Variants in MYOM2 observed in about 807,000 individuals in gnomAD.
MYOM2 encodes myomesin-2.
In MYOM2, 254 loss-of-function variants were observed where a neutral mutation model predicts 187.6. That is an observed-to-expected ratio of 1.35 (90% CI 1.22 to 1.50). The LOEUF is 1.50. Ranked by LOEUF, MYOM2 falls within the 40% of genes most tolerant of loss-of-function variation. The pLI is 0.00. For synonymous variants in MYOM2, 981 were observed against 753.8 expected (o/e 1.30, Z -4.94); for missense variants, 2,796 against 1,924.0 (o/e 1.45, Z -8.48).
chr8:2,124,874 G>T (rs942560848), intron 31 of MYOM2, among the ~76,000 whole-genome samples: 1 of 151,988 alleles, frequency 6.6e-6, no homozygotes, highest in African/African-American at 2.4e-5. Flanking sequence ...GTATCTGTTG[G>T]CCATTTTTCT....
At chr8:2,124,132 G>C (rs565370623) in intron 30 of MYOM2, 47 bp from the exon 31 acceptor site, 1 of 1,564,056 alleles carries the variant, frequency 6.4e-7, no homozygotes, top group Non-Finnish European at 8.7e-7. Context: ...TGCTGCTTTC[G>C]GTTAAAGTTA....
At chr8:2,088,869 A>G (rs1278804874) in intron 14 of MYOM2, among the ~76,000 whole-genome samples, 1 of 152,242 alleles carries the variant, frequency 6.6e-6, no homozygotes, top group Non-Finnish European at 1.5e-5. Context: ...AGCTAATGAC[A>G]TTCCCCCAGC....
At chr8:2,061,173 C>T (rs972481364) in intron 6 of MYOM2, among the ~76,000 whole-genome samples, 48 of 151,674 alleles carry the variant, frequency 3.2e-4, no homozygotes, top group African/African-American at 1.1e-3. Flanking sequence ...GAGCTGTCTC[C>T]GGTTTAGTGA....
At chr8:2,111,591 G>A (rs1273118327) in intron 25 of MYOM2, among the ~76,000 whole-genome samples, 2 of 152,106 alleles carry the variant, frequency 1.3e-5, no homozygotes, top group African/African-American at 2.4e-5. Flanking sequence ...CTTGATATTC[G>A]GAAGTAAACA....
rs374048931 is a variant in MYOM2 at position 2,057,308 on chromosome 8, C to T, written c.264-40C>T. On this transcript the variant is annotated intron_variant, in intron 3 of 36. Transcript: ENST00000262113. ...CCTTCGGGGGCCACGTGGTTTTCTT[C>T]GTGACTCCTGCAACTGAGGCTGCTT... The T allele has an allele frequency of 2.0e-5, 31 of 1,571,766 alleles. No homozygotes were observed. In the East Asian group the frequency reaches 3.4e-4, roughly 17 times the overall value.
intron 28 of MYOM2, chr8:2,119,139 T>C (rs1348366341): frequency 6.6e-6 from 1 of 152,284 alleles, no homozygotes; most frequent in East Asian, 1.9e-4. Flanking sequence ...CGACAGGACA[T>C]GTGAACCTGG....
intron 14 of MYOM2, among the ~76,000 whole-genome samples, chr8:2,086,302 G>A (rs1796042927): frequency 6.8e-6 from 1 of 146,676 alleles, no homozygotes; most frequent in Non-Finnish European, 1.5e-5. Context: ...ATCTCCGCGT[G>A]GCCCCCCACA....
chr8:2,108,280 C>T (rs1209722354), intron 23 of MYOM2, among the ~76,000 whole-genome samples: 2 of 149,374 alleles, frequency 1.3e-5, no homozygotes, highest in African/African-American at 4.9e-5. Flanking sequence ...TTGTTATTTT[C>T]TTCTTTCCTT....
At chr8:2,067,978 G>A (rs1241362376) in intron 6 of MYOM2, among the ~76,000 whole-genome samples, 2 of 152,056 alleles carry the variant, frequency 1.3e-5, no homozygotes, top group Non-Finnish European at 1.5e-5. Flanking sequence ...GAAGTTAATC[G>A]GTCTCTGCAC....
In MYOM2 at chr8:2,120,697, A is replaced by T. The variant is rs75948356; in HGVS notation, c.3454-2555A>T. On this transcript the variant is annotated intron_variant, in intron 28 of 36. Transcript: ENST00000262113. Reference sequence around the variant, plus strand: ...ATATTATATTATATATAAATATATAATATATATATTTTAATTGCCAATCTA... The same window carrying T: ...ATATTATATTATATATAAATATATATTATATATATTTTAATTGCCAATCTA... 1.8e-3 allele frequency among the ~76,000 whole-genome samples: 87 copies of T among 49,150 alleles called. 2 individuals are homozygous for T. Among genetic ancestry groups the T allele is most frequent in the African/African-American group, 4.8e-3 (61 of 12,700 alleles). The allele number at this position is 49,150 out of a possible 152,430, so 32.2% of individuals were successfully genotyped here. A position where few individuals can be genotyped will look rare whatever the true frequency, so the allele number is the denominator to read the frequency against.
chr8:2,047,488 T>C (rs1818347356), intron 1 of MYOM2, among the ~76,000 whole-genome samples: 1 of 152,186 alleles, frequency 6.6e-6, no homozygotes, highest in Admixed American at 6.5e-5. Context: ...CGCAGAAGAC[T>C]TGAGCTTGCT....
At chr8:2,082,500 C>T (rs1234270953) in intron 13 of MYOM2, among the ~76,000 whole-genome samples, 1 of 152,140 alleles carries the variant, frequency 6.6e-6, no homozygotes, top group African/African-American at 2.4e-5. Context: ...AATGGCTCCT[C>T]TGCTATTTTT....
intron 15 of MYOM2, 34 bp from the exon 16 acceptor site, chr8:2,092,312 C>A: frequency 6.2e-7 from 1 of 1,605,058 alleles, no homozygotes; most frequent in Non-Finnish European, 8.5e-7. Flanking sequence ...AGCTCTGATG[C>A]CATTTCACCA....
intron 8 of MYOM2, among the ~76,000 whole-genome samples, chr8:2,070,321 G>A (rs972870909): frequency 6.6e-6 from 1 of 152,272 alleles, no homozygotes; most frequent in African/African-American, 2.4e-5. Context: ...GTGGAGAGTT[G>A]ACCGAAGCAA....
intron 6 of MYOM2, among the ~76,000 whole-genome samples, chr8:2,060,443 G>T (rs1315289322): frequency 6.6e-6 from 1 of 152,090 alleles, no homozygotes; most frequent in East Asian, 1.9e-4. Flanking sequence ...GGAGGTGTGG[G>T]GTGTGTGTGC....
intron 25 of MYOM2, among the ~76,000 whole-genome samples, chr8:2,114,985 T>C (rs1797191252): frequency 1.3e-5 from 2 of 152,056 alleles, no homozygotes; most frequent in African/African-American, 2.4e-5. Flanking sequence ...CCATATGAAA[T>C]TGGTTTGAAA....
chr8:2,078,967 C>A, intron 12 of MYOM2, 34 bp downstream of exon 12: 2 of 1,600,118 alleles, frequency 1.2e-6, no homozygotes, highest in Non-Finnish European at 1.7e-6. Context: ...CCACTGTGCC[C>A]AGGAAGCTTT....
chr8:2,080,621 A>T (rs1819588175), intron 13 of MYOM2, among the ~76,000 whole-genome samples: 1 of 152,254 alleles, frequency 6.6e-6, no homozygotes, highest in South Asian at 2.1e-4. Context: ...TGAGGAGGAC[A>T]ACTTCTTGCA....
At position 2,083,338 on chromosome 8, in the gene MYOM2, T is replaced by A. The variant is rs1304667898; in HGVS notation, c.1517-1925T>A. On this transcript the variant is annotated intron_variant, in intron 13 of 36. Coordinates refer to ENST00000262113, the MANE Select transcript of MYOM2 (RefSeq NM_003970.4). Reference sequence around the variant, plus strand: ...TGTTTAGCAGTGTCTCACGTGTGCTTAGCGGTATCTTATGTGTGCTTAGTG... The same window carrying A: ...TGTTTAGCAGTGTCTCACGTGTGCTAAGCGGTATCTTATGTGTGCTTAGTG... Among the ~76,000 whole-genome samples the A allele has an allele frequency of 2.0e-5, 3 of 152,178 alleles. No individual in the cohort carries two copies. The East Asian group carries it at 5.8e-4, about 29-fold the overall frequency.
Sources: allele counts gnomAD v4.1 joint callset (sites outside exome capture counted in the v4.1 genomes callset), GRCh38; gene constraint gnomAD v4.1.1; transcripts MANE v1.5; gene names NCBI Gene and HGNC (gene_info 2026-07-23, HGNC 2026-07-21).